TMEM230: variants seen among roughly 807,000 people sequenced by gnomAD.
The protein encoded by TMEM230 is UPF0414 transmembrane protein C20orf30.
Under a neutral mutation model 15.8 loss-of-function variants are expected in TMEM230, and 10 were observed. The ratio of observed to expected loss-of-function variants is 0.63; its 90% CI spans 0.39 to 1.07. TMEM230 has a LOEUF of 1.07. TMEM230 is among the 50% of genes least tolerant of loss of function. The probability of loss-of-function intolerance (pLI) is 0.01; values close to 1 mark genes in which losing one functional copy is unlikely to be tolerated. For synonymous variants in TMEM230, 67 were observed against 76.9 expected (o/e 0.87, Z 0.68); for missense variants, 165 against 193.3 (o/e 0.85, Z 0.87).
chr20:5,100,219 T>C lies in TMEM230; in HGVS notation c.*572A>G. ...TCCAAGGACTGTTAAACAGAGGAAG[T>C]ATTTACATTTTGAAAACTTGCTCTG... On this transcript the variant is annotated 3_prime_UTR_variant, in exon 5 of 5. Transcript: ENST00000342308. 2 of 985,562 alleles carry C rather than the reference T, an allele frequency of 2.0e-6. No homozygotes were observed. Among genetic ancestry groups the C allele is most frequent in the South Asian group, 4.7e-5 (1 of 21,302 alleles). 61.1% of individuals were successfully genotyped at this position (985,562 alleles called of 1,614,324 possible).
chr20:5,093,817 C>A (rs2089584110), intron 3 of TMEM230, among the ~76,000 whole-genome samples: 1 of 152,144 alleles, frequency 6.6e-6, no homozygotes. Context: ...GGATTACAGG[C>A]ATGTGACACT....
intron 4 of TMEM230, among the ~76,000 whole-genome samples, chr20:5,105,403 C>G (rs1006356141): frequency 6.6e-6 from 1 of 152,096 alleles, no homozygotes; most frequent in Non-Finnish European, 1.5e-5. Flanking sequence ...CCAGCCTGGG[C>G]AACATGGCGA....
chr20:5,063,217 G>C, the TMEM230 span, among the ~76,000 whole-genome samples: 1 of 151,816 alleles, frequency 6.6e-6, no homozygotes, highest in South Asian at 2.1e-4. Flanking sequence ...AGTCTCCAGG[G>C]GAGGACTGCA....
intron 3 of TMEM230, among the ~76,000 whole-genome samples, chr20:5,092,276 TGAG>T (rs1308030820): frequency 6.6e-6 from 1 of 152,200 alleles, no homozygotes; most frequent in African/African-American, 2.4e-5. Flanking sequence ...ATGTTCAGAA[TGAG>T]GAGTCCTCGA....
intron 3 of TMEM230, among the ~76,000 whole-genome samples, chr20:5,108,305 G>A (rs923835520): frequency 1.3e-5 from 2 of 151,722 alleles, no homozygotes; most frequent in African/African-American, 4.8e-5. Flanking sequence ...CGTAATCCCA[G>A]CTACTTGGGA....
At chr20:5,081,655 T>C (rs899497778) in intron 3 of TMEM230, among the ~76,000 whole-genome samples, 8 of 152,098 alleles carry the variant, frequency 5.3e-5, no homozygotes, top group Non-Finnish European at 7.4e-5. Flanking sequence ...GCTACCTGTA[T>C]CACCAGTACC....
Position 5,100,709 on chromosome 20 carries a change from T to C in TMEM230, c.*82A>G. On this transcript the variant is annotated 3_prime_UTR_variant, in exon 5 of 5. Transcript: ENST00000342308. ...AACATCTGCAAGCTGCAGAATTCCT[T>C]AGTCCTCAGCTATAGTTTCTGCTAG... is the stretch of plus-strand genomic sequence containing the variant. The C allele has an allele frequency of 6.5e-7, 1 of 1,541,084 alleles. No individual in the cohort carries two copies. The highest frequency in any genetic ancestry group is 8.7e-7 in the Non-Finnish European group (1 of 1,143,482).
At chr20:5,094,853 G>A (rs1026826198), downstream of TMEM230, among the ~76,000 whole-genome samples, 2 of 152,068 alleles carry the variant, frequency 1.3e-5, no homozygotes, top group Non-Finnish European at 2.9e-5. Context: ...AGTAAGCTAA[G>A]GCTTACACTT....
chr20:5,060,598 A>G, the TMEM230 span, among the ~76,000 whole-genome samples: 1 of 151,946 alleles, frequency 6.6e-6, no homozygotes, highest in African/African-American at 2.4e-5. Flanking sequence ...CAACCTCCCA[A>G]AGTGCTGGGA....
Position 5,076,676 on chromosome 20 carries a change from C to CTTTTT in TMEM230, c.223-7332_223-7328dup, listed in dbSNP as rs763498321. ...CTGTTTATATTCTTGGATTGATATTCTTTTTTTTTTTTTTTTTTTGAGACA... is the reference window on the plus strand; with the variant it reads ...CTGTTTATATTCTTGGATTGATATTCTTTTTTTTTTTTTTTTTTTTTTTTGAGACA... On this transcript the variant is annotated intron_variant, in intron 3 of 3. Coordinates refer to the TMEM230 transcript ENST00000612323. Among the ~76,000 whole-genome samples the CTTTTT allele has an allele frequency of 5.9e-3, 755 of 127,446 alleles. 50 individuals carry two copies. Among genetic ancestry groups the CTTTTT allele is most frequent in the African/African-American group, 0.022 (710 of 32,236 alleles). 83.6% of individuals were successfully genotyped at this position (127,446 alleles called of 152,430 possible).
chr20:5,104,375 CA>C (rs1225003811), intron 4 of TMEM230, among the ~76,000 whole-genome samples: 1 of 151,408 alleles, frequency 6.6e-6, no homozygotes, highest in Non-Finnish European at 1.5e-5. Context: ...GGCTTTTATC[CA>C]AAAAAAACGG....
exon 4 of TMEM230, chr20:5,068,963 C>G: frequency 4.0e-6 from 2 of 501,710 alleles, no homozygotes; most frequent in East Asian, 3.7e-5. Context: ...CTGCGCCATT[C>G]TCACCATTCA....
At chr20:5,061,548 G>C in the TMEM230 span, among the ~76,000 whole-genome samples, 1 of 152,102 alleles carries the variant, frequency 6.6e-6, no homozygotes, top group Non-Finnish European at 1.5e-5. Context: ...ATGAATGTGT[G>C]TGTCCTCCCT....
exon 4 of TMEM230, chr20:5,068,991 G>C (rs1022345816): frequency 3.8e-5 from 21 of 553,282 alleles, no homozygotes; most frequent in Middle Eastern, 4.9e-4. Flanking sequence ...AGTTGCATAG[G>C]GGGTAGAGGG....
At chr20:5,112,321 ATAG>A (rs2090359421) in intron 1 of TMEM230, among the ~76,000 whole-genome samples, 1 of 152,244 alleles carries the variant, frequency 6.6e-6, no homozygotes, top group Admixed American at 6.5e-5. Context: ...ACTGTGTCAA[ATAG>A]TAGGTTTTTA....
downstream of TMEM230, among the ~76,000 whole-genome samples, chr20:5,065,410 A>C (rs1375550121): frequency 6.6e-6 from 1 of 152,172 alleles, no homozygotes; most frequent in Non-Finnish European, 1.5e-5. Flanking sequence ...GGGAACAGAG[A>C]AATCTCTGTT....
downstream of TMEM230, among the ~76,000 whole-genome samples, chr20:5,096,394 T>C (rs897994993): frequency 6.6e-6 from 1 of 152,204 alleles, no homozygotes; most frequent in Non-Finnish European, 1.5e-5. Context: ...GCCCCATCAC[T>C]GAACTACATA....
Position 5,100,663 on chromosome 20 carries a change from A to T in TMEM230, c.*128T>A. The T allele has an allele frequency of 6.8e-7, 1 of 1,477,184 alleles. No homozygotes were observed. The highest frequency in any genetic ancestry group is 9.0e-7 in the Non-Finnish European group (1 of 1,115,758). 91.5% of individuals were successfully genotyped at this position (1,477,184 alleles called of 1,614,324 possible). A position where few individuals can be genotyped will look rare whatever the true frequency, so the allele number is the denominator to read the frequency against. ...TAACATCTTTGGGAAGGACCCAAAA[A>T]ATCTGGCCATTATTTTCTTAAACAT... On this transcript the variant is annotated 3_prime_UTR_variant, in exon 5 of 5. Transcript: ENST00000342308.
At chr20:5,062,056 A>C in the TMEM230 span, among the ~76,000 whole-genome samples, 1 of 151,822 alleles carries the variant, frequency 6.6e-6, no homozygotes, top group African/African-American at 2.4e-5. Context: ...CCCCATCTCT[A>C]TAAAAATACA....
Sources: gnomAD v4.1 joint callset for allele counts (sites outside exome capture counted in the v4.1 genomes callset) on GRCh38, gnomAD v4.1.1 for gene constraint, MANE v1.5 for transcripts, NCBI Gene and HGNC (gene_info 2026-07-23, HGNC 2026-07-21) for gene names.